Variants in UVSSA observed in about 807,000 individuals in gnomAD.
UVSSA encodes the protein UV stimulated scaffold protein A, also known as UV-stimulated scaffold protein A.
A neutral mutation model predicts 73.9 loss-of-function variants in UVSSA; 72 were observed. The ratio of observed to expected loss-of-function variants is 0.97; its 90% confidence interval spans 0.81 to 1.19. UVSSA has a LOEUF of 1.19. UVSSA is among the 50% of genes most tolerant of loss of function. The pLI is 0.00. For synonymous variants in UVSSA, 454 were observed against 391.3 expected (o/e 1.16, Z -1.89); for missense variants, 1,150 against 965.0 (o/e 1.19, Z -2.54).
At chr4:1,379,875 C>T (rs4974618) in intron 10 of UVSSA, among the ~76,000 whole-genome samples, 172 bp from the exon 11 acceptor site, 3 of 14,590 alleles carry the variant, frequency 2.1e-4, no homozygotes, top group East Asian at 4.3e-3. Context: ...GTTCATGTGG[C>T]GTCAGAATTC....
downstream of UVSSA, chr4:1,389,860 C>T (rs1720364068): frequency 6.6e-6 from 1 of 152,078 alleles, no homozygotes; most frequent in Non-Finnish European, 1.5e-5. Context: ...TAATTTGATT[C>T]TTCTCTCTTT....
chr4:1,381,934 A>G (rs1323984131), intron 12 of UVSSA, among the ~76,000 whole-genome samples: 1 of 152,092 alleles, frequency 6.6e-6, no homozygotes, highest in African/African-American at 2.4e-5. Flanking sequence ...AAATGCTGGG[A>G]TTACAGATGT....
In UVSSA at chr4:1,355,118, G is replaced by A. The variant is rs545561171; in HGVS notation, c.1049G>A (p.Arg350His). 18 of 1,613,554 alleles carry A rather than the reference G, an allele frequency of 1.1e-5. No individual in the cohort carries two copies. The highest frequency in any genetic ancestry group is 9.9e-5 in the South Asian group (9 of 91,064). ...GCTGTTCGCACCCCCGTTTCGCAGCGCTTCACCCGCGTCGGGACCCACGGT... is the reference window on the plus strand; with the variant it reads ...GCTGTTCGCACCCCCGTTTCGCAGCACTTCACCCGCGTCGGGACCCACGGT... ...FLPAVCSWIQ[R>H]FTRVGTHGGC... is the part of the protein sequence containing the mutation. The change falls in exon 7 of 14, where the codon CGC becomes CAC. Residue 350 changes from arginine (R) to histidine (H), a missense_variant and splice_region_variant. Physicochemically the swap from Arg to His is conservative, Grantham distance 29 (BLOSUM62 0). Transcript: ENST00000389851.
chr4:1,360,272 T>C (rs1370759007), intron 7 of UVSSA, among the ~76,000 whole-genome samples: 1 of 152,076 alleles, frequency 6.6e-6, no homozygotes, highest in Admixed American at 6.5e-5. Flanking sequence ...GTGCCAGCCC[T>C]CCCTCCCACA....
chr4:1,374,001 G>T (rs185124716), intron 8 of UVSSA, among the ~76,000 whole-genome samples: 2 of 152,204 alleles, frequency 1.3e-5, no homozygotes, highest in Non-Finnish European at 2.9e-5. Flanking sequence ...GCACCTCTTC[G>T]CCCCAGCTGC....
intron 6 of UVSSA, 97 bp from the exon 7 acceptor site, chr4:1,355,020 C>G: frequency 6.4e-7 from 1 of 1,553,954 alleles, no homozygotes; most frequent in Non-Finnish European, 8.7e-7. Flanking sequence ...TGCCAGGGAC[C>G]CCCCGGGCCA....
intron 7 of UVSSA, among the ~76,000 whole-genome samples, chr4:1,364,870 G>C (rs937193815): frequency 6.6e-6 from 1 of 152,198 alleles, no homozygotes; most frequent in Non-Finnish European, 1.5e-5. Flanking sequence ...GGGAGCTGAA[G>C]GTGAGGAATG....
intron 5 of UVSSA, 40 bp downstream of exon 5, chr4:1,353,453 C>T: frequency 6.9e-7 from 1 of 1,442,320 alleles, no homozygotes; most frequent in Non-Finnish European, 9.1e-7. Flanking sequence ...CCACCCTGCC[C>T]CGGCTCCCGG....
chr4:1,394,197 C>A, exon 14 of UVSSA: 1 of 508,496 alleles, frequency 2.0e-6, no homozygotes, highest in Non-Finnish European at 3.5e-6. Context: ...TGGGCACAGC[C>A]TTCCATGCCT....
exon 14 of UVSSA, chr4:1,395,316 G>T (rs765424131): frequency 6.5e-7 from 1 of 1,549,660 alleles, no homozygotes; most frequent in South Asian, 1.1e-5. Context: ...CATGTGGAGT[G>T]CCCGCCTGCT....
chr4:1,354,795 C>A lies in UVSSA; in HGVS notation c.995C>A (p.Thr332Lys). ...GCTCTCATCCACGCCGCCCGCGACA[C>A]ACTCAAGCTCATCCGGAACAAGTTC... ...NLALIHAARD[T>K]LKLIRNKFLP... Residue 332 changes from threonine to lysine, a missense_variant, in exon 6 of 14, where the codon ACA becomes AAA. Coordinates refer to ENST00000389851, the MANE Select transcript of UVSSA (RefSeq NM_020894.4). 6.2e-7 allele frequency: 1 copy of A among 1,613,624 alleles called. No individual in the cohort carries two copies. Among genetic ancestry groups the A allele is most frequent in the African/African-American group, 1.3e-5 (1 of 75,022 alleles).
intron 5 of UVSSA, among the ~76,000 whole-genome samples, chr4:1,353,863 G>A (rs1715203089): frequency 6.6e-6 from 1 of 152,202 alleles, no homozygotes; most frequent in South Asian, 2.1e-4. Context: ...TTGCTGGGAG[G>A]AAAATGTGTT....
At chr4:1,382,087 C>T (rs1415716625) in intron 12 of UVSSA, among the ~76,000 whole-genome samples, 4 of 152,196 alleles carry the variant, frequency 2.6e-5, no homozygotes, top group African/African-American at 4.8e-5. Flanking sequence ...TGTCATGGCT[C>T]CCGGGTGTCT....
At chr4:1,343,464 T>TA (rs1311388370), upstream of UVSSA, among the ~76,000 whole-genome samples, 1 of 151,932 alleles carries the variant, frequency 6.6e-6, no homozygotes, top group Non-Finnish European at 1.5e-5. Flanking sequence ...CAAGGACTTA[T>TA]AAATCATAAC....
At chr4:1,342,044 A>G (rs1255993185), upstream of UVSSA, among the ~76,000 whole-genome samples, 3 of 152,236 alleles carry the variant, frequency 2.0e-5, no homozygotes, top group Admixed American at 1.3e-4. Flanking sequence ...TGGGGCTATA[A>G]TAAGTAAACC....
chr4:1,363,012 A>C (rs1303690556), intron 7 of UVSSA, among the ~76,000 whole-genome samples: 7 of 152,182 alleles, frequency 4.6e-5, no homozygotes, highest in Non-Finnish European at 1.0e-4. Context: ...TTCAGACATG[A>C]GAGTTTATCC....
chr4:1,384,185 G>T (rs995570787), intron 13 of UVSSA: 6 of 512,808 alleles, frequency 1.2e-5, no homozygotes, highest in East Asian at 3.5e-5. Context: ...GGGCTCGACC[G>T]CCAGGCACCG....
intron 12 of UVSSA, 34 bp downstream of exon 12, chr4:1,381,022 A>G: frequency 6.3e-7 from 1 of 1,587,066 alleles, no homozygotes; most frequent in Non-Finnish European, 8.6e-7. Flanking sequence ...CGTGGGAGGC[A>G]CAGCCTGGGA....
At position 1,353,083 on chromosome 4, in the gene UVSSA, C is replaced by A. The variant is rs1293371990; in HGVS notation, c.604C>A (p.Leu202Met). 4 of 1,612,918 alleles carry A rather than the reference C, an allele frequency of 2.5e-6. No individual in the cohort carries two copies. The highest frequency in any genetic ancestry group is 3.4e-6 in the Non-Finnish European group (4 of 1,179,992). The stretch of plus-strand genomic sequence containing the variant: ...GACGGAGGTAGAGAGCTGCTTTAGG[C>A]TGCTGGTGCCTTTTGACTTTGACCC... Reference protein sequence around the residue: ...CLTEVESCFRLLVPFDFDPNP... With the variant: ...CLTEVESCFRMLVPFDFDPNP... The change falls in exon 5 of 14, where the codon CTG (leucine) becomes ATG (methionine). Residue 202 changes from leucine to methionine, a missense_variant. Coordinates refer to ENST00000389851, the MANE Select transcript of UVSSA (RefSeq NM_020894.4).
Sources: allele counts gnomAD v4.1 joint callset (sites outside exome capture counted in the v4.1 genomes callset), GRCh38; gene constraint gnomAD v4.1.1; transcripts MANE v1.5; gene names NCBI Gene and HGNC (gene_info 2026-07-23, HGNC 2026-07-21).